The following CADPS variants were observed in gnomAD, a reference collection of about 807,000 sequenced individuals.
CADPS encodes the protein calcium-dependent secretion activator 1.
Under a neutral mutation model 167.3 loss-of-function variants are expected in CADPS, and 57 were observed. The ratio of observed to expected loss-of-function variants is 0.34; its 90% CI spans 0.28 to 0.42. The LOEUF is 0.42. Among genes scored for constraint, CADPS ranks in the 20% least tolerant of loss-of-function variants. The pLI is 1.00. For missense variants in CADPS, 1,414 were observed against 1,738.1 expected, an observed-to-expected ratio of 0.81 and a Z score of 3.32; for synonymous variants, 676 against 635.3, an observed-to-expected ratio of 1.06 and a Z score of -0.96.
At chr3:62,715,026 C>A (rs559004564) in intron 3 of CADPS, among the ~76,000 whole-genome samples, 12 of 152,140 alleles carry the variant, frequency 7.9e-5, no homozygotes, top group African/African-American at 2.9e-4. Flanking sequence ...GGCATCATAA[C>A]GGTTTCCTGC....
intron 1 of CADPS, among the ~76,000 whole-genome samples, chr3:62,801,613 T>C (rs2093767424): frequency 6.6e-6 from 1 of 152,056 alleles, no homozygotes; most frequent in South Asian, 2.1e-4. Context: ...TAGATATTAA[T>C]GTTTGATTTT....
At chr3:62,493,594 G>A in intron 19 of CADPS, 51 bp downstream of exon 19, 1 of 1,437,904 alleles carries the variant, frequency 7.0e-7, no homozygotes. Flanking sequence ...GCCACTAGGA[G>A]GCAGAATAGG....
chr3:62,429,190 G>A (rs2053426078), intron 28 of CADPS, among the ~76,000 whole-genome samples: 2 of 152,140 alleles, frequency 1.3e-5, no homozygotes, highest in South Asian at 2.1e-4. Context: ...ATTGTGAGTT[G>A]GGGCAAATAA....
At chr3:62,783,105 T>G (rs1420570796) in intron 1 of CADPS, among the ~76,000 whole-genome samples, 1 of 152,066 alleles carries the variant, frequency 6.6e-6, no homozygotes, top group African/African-American at 2.4e-5. Context: ...CTCCAGAAAA[T>G]TGTTATGGTT....
intron 1 of CADPS, among the ~76,000 whole-genome samples, chr3:62,864,654 G>A (rs145824838): frequency 8.2e-4 from 125 of 152,134 alleles, no homozygotes; most frequent in African/African-American, 2.7e-3. Context: ...ATTTTATAAG[G>A]ACATCAGTCA....
intron 6 of CADPS, among the ~76,000 whole-genome samples, chr3:62,629,221 C>T (rs2064775601): frequency 6.6e-6 from 1 of 152,056 alleles, no homozygotes; most frequent in Non-Finnish European, 1.5e-5. Flanking sequence ...TATTGCTGTA[C>T]TCCAATTTTA....
chr3:62,853,857 G>A (rs1297526026), intron 1 of CADPS, among the ~76,000 whole-genome samples: 2 of 152,082 alleles, frequency 1.3e-5, no homozygotes, highest in Non-Finnish European at 2.9e-5. Context: ...TTGGGGGGCT[G>A]AGGTGGGAGG....
chr3:62,839,105 A>G (rs776703910), intron 1 of CADPS, among the ~76,000 whole-genome samples: 1 of 152,208 alleles, frequency 6.6e-6, no homozygotes, highest in Non-Finnish European at 1.5e-5. Flanking sequence ...GAAGATGCTT[A>G]TTCAGTTGTG....
chr3:62,464,458 G>A (rs995460267), intron 26 of CADPS, among the ~76,000 whole-genome samples: 7 of 152,168 alleles, frequency 4.6e-5, no homozygotes, highest in African/African-American at 7.2e-5. Context: ...TAGTCTCAGA[G>A]CCAGCAGGAA....
At chr3:62,616,698 T>C (rs1180514620) in intron 6 of CADPS, among the ~76,000 whole-genome samples, 1 of 152,160 alleles carries the variant, frequency 6.6e-6, no homozygotes. Flanking sequence ...GCACTGTACA[T>C]ATAGCATATG....
intron 12 of CADPS, among the ~76,000 whole-genome samples, chr3:62,535,366 C>G (rs867834435): frequency 6.6e-6 from 1 of 150,874 alleles, no homozygotes; most frequent in African/African-American, 2.4e-5. Context: ...ATAAATTATT[C>G]CACATAATTC....
intron 6 of CADPS, among the ~76,000 whole-genome samples, chr3:62,628,585 C>CAT (rs1479896710): frequency 6.7e-6 from 1 of 150,158 alleles, no homozygotes; most frequent in Non-Finnish European, 1.5e-5. Context: ...CTCCTTTACA[C>CAT]ACACACACAC....
At chr3:62,450,611 C>T (rs1003028986) in intron 26 of CADPS, among the ~76,000 whole-genome samples, 6 of 152,264 alleles carry the variant, frequency 3.9e-5, no homozygotes, top group South Asian at 2.1e-4. Flanking sequence ...CTCTTGTCCC[C>T]GACTCTCCAG....
In CADPS at chr3:62,595,297, G is replaced by A. The variant is rs749384993; in HGVS notation, c.1326-2549C>T. Among the ~76,000 whole-genome samples the A allele has an allele frequency of 8.4e-4, 127 of 152,048 alleles. 4 individuals carry two copies. Among genetic ancestry groups the A allele is most frequent in the Non-Finnish European group, 1.5e-4 (10 of 68,002 alleles). On this transcript the variant is annotated intron_variant, in intron 6 of 29. Coordinates refer to ENST00000383710, the MANE Select transcript of CADPS (RefSeq NM_003716.4). ...CAGGTTTCAAACACATTAGCAAAAC[G>A]TTTGAGGTACAGATAGAAGCTCCTA...
Position 62,458,929 on chromosome 3 carries a change from C to A in CADPS, c.3636+6438G>T, listed in dbSNP as rs892854317. 6.6e-6 allele frequency among the ~76,000 whole-genome samples: 1 copy of A among 152,096 alleles called. No individual in the cohort carries two copies. The highest frequency in any genetic ancestry group is 2.4e-5 in the African/African-American group (1 of 41,428). On this transcript the variant is annotated intron_variant, in intron 26 of 29. Transcript: ENST00000383710. This position sits in a 1 kb window ranked among gnomAD's most constrained non-coding sequence, Gnocchi z 4.6. ...GAAATAGTTAACTTTGGATACTTAT[C>A]TTTTCTCTTCTGTAAAGCTTCTGAA...
chr3:62,638,077 T>TATATATATATATATATATATA (rs2066661518), intron 6 of CADPS, among the ~76,000 whole-genome samples: 1 of 36,766 alleles, frequency 2.7e-5, no homozygotes, highest in African/African-American at 3.9e-5. Context: ...GTTTTAAGCA[T>TATATATATATATATATATATA]TATATATATA....
At chr3:62,742,150 C>G (rs990493806) in intron 3 of CADPS, among the ~76,000 whole-genome samples, 22 of 152,062 alleles carry the variant, frequency 1.4e-4, no homozygotes, top group Non-Finnish European at 7.4e-5. Flanking sequence ...GGAAAAACAT[C>G]CAATGCTCAT....
At chr3:62,852,293 T>C (rs1193085769) in intron 1 of CADPS, among the ~76,000 whole-genome samples, 1 of 152,098 alleles carries the variant, frequency 6.6e-6, no homozygotes, top group East Asian at 1.9e-4. Context: ...TCATTCTCCA[T>C]CCAGCTTTGT....
intron 13 of CADPS, among the ~76,000 whole-genome samples, chr3:62,520,169 G>GA (rs1275831717): frequency 6.6e-6 from 1 of 152,126 alleles, no homozygotes; most frequent in East Asian, 1.9e-4. Context: ...GAAGAGCCAG[G>GA]ATATTTGTGG....
Sources: allele counts gnomAD v4.1 joint callset (sites outside exome capture counted in the v4.1 genomes callset), GRCh38; gene constraint gnomAD v4.1.1; non-coding constraint Gnocchi (gnomAD v3.1); transcripts MANE v1.5; gene names NCBI Gene and HGNC (gene_info 2026-07-23, HGNC 2026-07-21).